The following CPD variants were observed in gnomAD, a reference collection of about 807,000 sequenced individuals.
CPD encodes metallocarboxypeptidase D.
Under a neutral mutation model 138.3 loss-of-function variants are expected in CPD, and 69 were observed. The observed-to-expected ratio is 0.50, with a 90% CI of 0.41 to 0.61. CPD has a LOEUF of 0.61. Among genes scored for constraint, CPD ranks in the 20% least tolerant of loss-of-function variants. The probability of loss-of-function intolerance (pLI) is 0.00; values close to 1 mark genes in which losing one functional copy is unlikely to be tolerated. For missense variants in CPD, 1,432 were observed against 1,733.3 expected (o/e 0.83, Z 3.09); for synonymous variants, 651 against 642.1 (o/e 1.01, Z -0.21).
Position 30,468,681 on chromosome 17 carries a change from G to A in CPD, c.*3867G>A, listed in dbSNP as rs1209341924. 6.6e-6 allele frequency: 1 copy of A among 152,526 alleles called. No individual in the cohort carries two copies. Among genetic ancestry groups the A allele is most frequent in the Non-Finnish European group, 1.5e-5 (1 of 67,982 alleles). The allele number at this position is 152,526 out of a possible 1,614,324, so 9.4% of individuals were successfully genotyped here. Reference sequence around the variant, plus strand: ...TCCTGTATAAAAGTTATTTTACGATGTTTGTCTTTCTTTGTGTTTTGTCTC... The same window carrying A: ...TCCTGTATAAAAGTTATTTTACGATATTTGTCTTTCTTTGTGTTTTGTCTC... On this transcript the variant is annotated 3_prime_UTR_variant, in exon 21 of 21. Transcript: ENST00000225719.
At chr17:30,390,662 A>G (rs1049941628) in intron 2 of CPD, among the ~76,000 whole-genome samples, 1 of 152,152 alleles carries the variant, frequency 6.6e-6, no homozygotes, top group Non-Finnish European at 1.5e-5. Context: ...GGGCTGGCCC[A>G]GCATATCTAG....
chr17:30,423,075 T>C, intron 5 of CPD, 52 bp downstream of exon 5: 1 of 1,336,990 alleles, frequency 7.5e-7, no homozygotes. Flanking sequence ...CAAAGCCATG[T>C]TCAATATTGC....
At chr17:30,452,282 C>CTT (rs1169994571) in intron 14 of CPD, among the ~76,000 whole-genome samples, 6 of 139,990 alleles carry the variant, frequency 4.3e-5, no homozygotes, top group African/African-American at 7.8e-5. Context: ...CATTCTTTTT[C>CTT]TTTTTTTTTT....
rs573769434 is a variant in CPD at position 30,390,205 on chromosome 17, C to T, written c.994+4969C>T. 1.0e-3 allele frequency among the ~76,000 whole-genome samples: 152 copies of T among 152,140 alleles called. 1 individual carries two copies. The highest frequency in any genetic ancestry group is 4.1e-3 in the Admixed American group (62 of 15,288). On this transcript the variant is annotated intron_variant, in intron 2 of 20. Transcript: ENST00000225719. ...TAATTTTTTGTATTTTAAGTAGAGA[C>T]AGGGTTTTACCATGTTGACCAGGCT...
At position 30,465,204 on chromosome 17, in the gene CPD, G is replaced by A. The variant is rs1031066804; in HGVS notation, c.*390G>A. On this transcript the variant is annotated 3_prime_UTR_variant, in exon 21 of 21. Transcript: ENST00000225719. ...GCCAAAAGAATCCAGAAACATTAAG[G>A]CAGGGACAGCAGTCAGAATCGACAT... 1 of 178,680 alleles carries A rather than the reference G, an allele frequency of 5.6e-6. No homozygotes were observed. The highest frequency in any genetic ancestry group is 2.4e-5 in the African/African-American group (1 of 41,750). The allele number at this position is 178,680 out of a possible 1,614,324, so 11.1% of individuals were successfully genotyped here. A position where few individuals can be genotyped will look rare whatever the true frequency, so the allele number is the denominator to read the frequency against.
chr17:30,416,065 G>A (rs1185465979), intron 2 of CPD, among the ~76,000 whole-genome samples: 1 of 152,178 alleles, frequency 6.6e-6, no homozygotes, highest in Non-Finnish European at 1.5e-5. Context: ...GGGTGCGGTG[G>A]GTCACGCCTG....
At chr17:30,394,176 G>GA (rs57515249) in intron 2 of CPD, among the ~76,000 whole-genome samples, 52,821 of 87,808 alleles carry the variant, frequency 0.6, 14,598 homozygotes, top group East Asian at 0.86. Context: ...AAAAAAAAAA[G>GA]AAAAAAAAAA....
At chr17:30,398,220 T>G (rs141932363) in intron 2 of CPD, among the ~76,000 whole-genome samples, 3 of 108,718 alleles carry the variant, frequency 2.8e-5, no homozygotes, top group Non-Finnish European at 5.6e-5. Flanking sequence ...TAGAACAGAA[T>G]AATAGAATAG....
intron 17 of CPD, among the ~76,000 whole-genome samples, chr17:30,460,078 G>A (rs1191292541): frequency 2.0e-5 from 3 of 152,190 alleles, no homozygotes; most frequent in African/African-American, 4.8e-5. Flanking sequence ...TCAGCAGGCC[G>A]TGAGAAATTA....
In CPD at chr17:30,455,185, C is replaced by G. The variant is rs980137700; in HGVS notation, c.3206-154C>G. ...AACCTACCTTCTGTAATGTATCTTT[C>G]TTGCTTGAGATAGTGGCTTATGGAG... On this transcript the variant is annotated intron_variant, in intron 14 of 20. Coordinates refer to ENST00000225719, the MANE Select transcript of CPD (RefSeq NM_001304.5). 2.0e-5 allele frequency: 13 copies of G among 643,492 alleles called. No homozygotes were observed. In the African/African-American group the frequency reaches 2.0e-4, roughly 10 times the overall value. 39.9% of individuals were successfully genotyped at this position (643,492 alleles called of 1,614,324 possible).
intron 8 of CPD, among the ~76,000 whole-genome samples, chr17:30,437,639 T>C (rs1912737193): frequency 6.6e-6 from 1 of 152,146 alleles, no homozygotes; most frequent in South Asian, 2.1e-4. Context: ...TGAGCCTGTG[T>C]TTCCACTACT....
At chr17:30,408,034 T>G (rs1019160566) in intron 2 of CPD, among the ~76,000 whole-genome samples, 1 of 152,376 alleles carries the variant, frequency 6.6e-6, no homozygotes, top group South Asian at 2.1e-4. Context: ...TTCCTACATA[T>G]GGCTACCCAC....
intron 2 of CPD, among the ~76,000 whole-genome samples, chr17:30,415,832 T>C (rs1912090866): frequency 6.6e-6 from 1 of 152,228 alleles, no homozygotes; most frequent in Non-Finnish European, 1.5e-5. Context: ...TCCTATCATA[T>C]GCTATAACAT....
At chr17:30,436,881 A>C (rs946026907) in intron 8 of CPD, among the ~76,000 whole-genome samples, 1 of 152,218 alleles carries the variant, frequency 6.6e-6, no homozygotes, top group African/African-American at 2.4e-5. Flanking sequence ...CCATCAACTG[A>C]TGAATGGGTT....
chr17:30,435,391 C>A (rs183355456), intron 8 of CPD, among the ~76,000 whole-genome samples: 1 of 151,226 alleles, frequency 6.6e-6, no homozygotes, highest in African/African-American at 2.4e-5. Context: ...GAAAAGGATG[C>A]CAAGACAATT....
At chr17:30,400,122 A>G (rs910336799) in intron 2 of CPD, among the ~76,000 whole-genome samples, 1 of 152,184 alleles carries the variant, frequency 6.6e-6, no homozygotes, top group Non-Finnish European at 1.5e-5. Flanking sequence ...TACACTGAAT[A>G]TAATTATTGT....
chr17:30,406,875 T>C (rs1020322027), intron 2 of CPD, among the ~76,000 whole-genome samples: 1 of 152,210 alleles, frequency 6.6e-6, no homozygotes, highest in East Asian at 1.9e-4. Flanking sequence ...GCAGGTTTGT[T>C]ACATAGGTAT....
chr17:30,456,140 TAAGTG>T lies in CPD; in HGVS notation c.3338-115_3338-111del. The stretch of plus-strand genomic sequence containing the variant: ...GGGTTAATTATAGTAACAGTATACT[TAAGTG>T]GAGTGCAAAATTTATTAGGAGAAAA... On this transcript the variant is annotated intron_variant, in intron 15 of 20. Coordinates refer to ENST00000225719, the MANE Select transcript of CPD (RefSeq NM_001304.5). 4.2e-6 allele frequency: 3 copies of T among 713,000 alleles called. No homozygotes were observed. In the South Asian group the frequency reaches 5.6e-5, roughly 13 times the overall value. 44.2% of individuals were successfully genotyped at this position (713,000 alleles called of 1,614,324 possible). A position where few individuals can be genotyped will look rare whatever the true frequency, so the allele number is the denominator to read the frequency against.
At chr17:30,456,406 GA>G (rs1232186178) in intron 16 of CPD, 55 bp downstream of exon 16, 2 of 1,609,878 alleles carry the variant, frequency 1.2e-6, no homozygotes, top group Non-Finnish European at 1.7e-6. Context: ...CTTTTGTGGG[GA>G]AAGGAGTTTC....
Sources: gnomAD v4.1 joint callset for allele counts (sites outside exome capture counted in the v4.1 genomes callset) on GRCh38, gnomAD v4.1.1 for gene constraint, MANE v1.5 for transcripts, NCBI Gene and HGNC (gene_info 2026-07-23, HGNC 2026-07-21) for gene names.